Variants in STK40 observed in about 807,000 individuals in gnomAD.
STK40 encodes the protein serine/threonine-protein kinase 40.
A neutral mutation model predicts 47.9 loss-of-function variants in STK40; 13 were observed. The ratio of observed to expected loss-of-function variants is 0.27; its 90% CI spans 0.18 to 0.43. The LOEUF is 0.43. Ranked by LOEUF, STK40 falls within the 20% of genes least tolerant of loss-of-function variation. STK40 has a pLI of 1.00. For missense variants in STK40, 460 were observed against 595.1 expected (o/e 0.77, Z 2.36); for synonymous variants, 225 against 243.2 (o/e 0.93, Z 0.69).
intron 2 of STK40, among the ~76,000 whole-genome samples, chr1:36,360,719 G>A (rs1646844384): frequency 6.6e-6 from 1 of 151,872 alleles, no homozygotes; most frequent in Non-Finnish European, 1.5e-5. Context: ...TATTTTTCTA[G>A]TAGAGATGGG....
chr1:36,345,983 A>ATTTTTTT (rs1242799312), intron 7 of STK40, among the ~76,000 whole-genome samples: 2 of 9,726 alleles, frequency 2.1e-4, no homozygotes, highest in Non-Finnish European at 7.9e-4. Flanking sequence ...ATATATATAT[A>ATTTTTTT]TATATATATT....
At chr1:36,382,355 T>G (rs1320870668) in intron 1 of STK40, among the ~76,000 whole-genome samples, 1 of 152,126 alleles carries the variant, frequency 6.6e-6, no homozygotes, top group Non-Finnish European at 1.5e-5. Flanking sequence ...AATTTTTGTA[T>G]TTTTTGTAGA....
At chr1:36,349,257 A>G (rs114581612) in intron 6 of STK40, among the ~76,000 whole-genome samples, 1,660 of 152,278 alleles carry the variant, frequency 0.011, 41 homozygotes, top group African/African-American at 0.037. Flanking sequence ...GAGTGACTCC[A>G]CCTTGGAAGG....
chr1:36,353,930 A>T (rs1166528365), intron 6 of STK40, among the ~76,000 whole-genome samples: 2 of 152,140 alleles, frequency 1.3e-5, no homozygotes, highest in African/African-American at 4.8e-5. Context: ...CCATTCAAAA[A>T]ATATATATAT....
chr1:36,357,960 G>A (rs980896373), intron 4 of STK40, among the ~76,000 whole-genome samples: 5 of 152,132 alleles, frequency 3.3e-5, no homozygotes, highest in South Asian at 2.1e-4. Flanking sequence ...CTCTTTTCTC[G>A]GAAAAGTGGC....
At chr1:36,368,131 CTG>C (rs1424635391) in intron 1 of STK40, 1 of 152,364 alleles carries the variant, frequency 6.6e-6, no homozygotes, top group Non-Finnish European at 1.5e-5. Flanking sequence ...TGTGAAATCA[CTG>C]TGTGTAAATA....
chr1:36,358,811 C>T lies in STK40; in HGVS notation c.124G>A (p.Gly42Ser), dbSNP rs774791578. 7 of 1,614,110 alleles carry T rather than the reference C, an allele frequency of 4.3e-6. No homozygotes were observed. The highest frequency in any genetic ancestry group is 5.1e-6 in the Non-Finnish European group (6 of 1,180,026). Reference sequence around the variant, plus strand: ...ACTATGCTTGGCACCGGTGAGTTGCCCAGACGGGGACCTACGGCACAGAGA... The same window carrying T: ...ACTATGCTTGGCACCGGTGAGTTGCTCAGACGGGGACCTACGGCACAGAGA... Reference protein sequence around the residue: ...AGPFILGPRLGNSPVPSIVQC... With the variant: ...AGPFILGPRLSNSPVPSIVQC... Residue 42 changes from glycine (G) to serine (S), a missense_variant, in exon 3 of 11, where the codon GGC becomes AGC. Coordinates refer to ENST00000373132, the MANE Select transcript of STK40 (RefSeq NM_001282547.2).
chr1:36,353,702 A>G (rs748314032), intron 6 of STK40, among the ~76,000 whole-genome samples: 11 of 152,238 alleles, frequency 7.2e-5, no homozygotes, highest in African/African-American at 1.4e-4. Context: ...ACAAAGGCCA[A>G]GCGCGGGCCA....
chr1:36,361,326 G>A lies in STK40; in HGVS notation c.7C>T (p.Arg3Trp), dbSNP rs12086307. MK[R>W]RASDRGAGET... is the part of the protein sequence containing the mutation. ...CCAGCTCCTCTGTCTGATGCTCTCCGCTTCATTCTCAGCTCTAGACAAGAC... is the reference window on the plus strand; with the variant it reads ...CCAGCTCCTCTGTCTGATGCTCTCCACTTCATTCTCAGCTCTAGACAAGAC... The change falls in exon 2 of 11, where the codon CGG (arginine) becomes TGG (tryptophan). Residue 3 changes from arginine (R) to tryptophan (W), a missense_variant. This residue lies in a region of STK40 where 277 missense variants were observed against 358.7 expected (regional missense o/e 0.77). Coordinates refer to ENST00000373132, the MANE Select transcript of STK40 (RefSeq NM_001282547.2). 4 of 1,614,112 alleles carry A rather than the reference G, an allele frequency of 2.5e-6. No homozygotes were observed. Among genetic ancestry groups the A allele is most frequent in the African/African-American group, 1.3e-5 (1 of 75,026 alleles).
At chr1:36,363,889 C>T (rs1646877320) in intron 1 of STK40, among the ~76,000 whole-genome samples, 2 of 151,302 alleles carry the variant, frequency 1.3e-5, no homozygotes, top group Middle Eastern at 3.4e-3. Context: ...CGGTGGCTCA[C>T]ACCTGTAATC....
chr1:36,384,692 T>G (rs1035082910), intron 1 of STK40, among the ~76,000 whole-genome samples: 1 of 152,200 alleles, frequency 6.6e-6, no homozygotes, highest in African/African-American at 2.4e-5. Context: ...TGTGGTCATG[T>G]GAGAAATGAA....
chr1:36,348,302 A>T (rs985440211), intron 7 of STK40, among the ~76,000 whole-genome samples: 2 of 152,168 alleles, frequency 1.3e-5, no homozygotes, highest in Non-Finnish European at 2.9e-5. Context: ...TCACTTTCTG[A>T]GCAGCCTGCA....
At chr1:36,349,799 C>T (rs903292938) in intron 6 of STK40, among the ~76,000 whole-genome samples, 2 of 152,156 alleles carry the variant, frequency 1.3e-5, no homozygotes, top group South Asian at 4.1e-4. Context: ...GTCTAAGAGG[C>T]CTGGGAAAGG....
chr1:36,376,962 G>C (rs750483433), intron 1 of STK40, among the ~76,000 whole-genome samples: 2 of 151,812 alleles, frequency 1.3e-5, no homozygotes, highest in East Asian at 3.9e-4. Context: ...TAGTAGAGAC[G>C]GGGTTTCACC....
intron 1 of STK40, among the ~76,000 whole-genome samples, chr1:36,367,578 T>C (rs577544549): frequency 5.9e-5 from 9 of 152,328 alleles, no homozygotes; most frequent in Admixed American, 3.9e-4. Context: ...TCCAGTGGTA[T>C]AGTGTGACCA....
chr1:36,364,876 T>C (rs1214895470), intron 1 of STK40, among the ~76,000 whole-genome samples: 2 of 152,202 alleles, frequency 1.3e-5, no homozygotes, highest in African/African-American at 4.8e-5. Context: ...TTTCTGTCTT[T>C]TCCTTTAGTT....
intron 1 of STK40, among the ~76,000 whole-genome samples, chr1:36,370,880 CTT>C (rs776772949): frequency 3.7e-4 from 52 of 141,398 alleles, no homozygotes; most frequent in Non-Finnish European, 3.3e-4. Flanking sequence ...CCGTACTACA[CTT>C]TTTTTTTTTT....
chr1:36,378,703 C>T lies in STK40; in HGVS notation c.-9+7020G>A, dbSNP rs182099776. On this transcript the variant is annotated intron_variant, in intron 1 of 10. Coordinates refer to ENST00000373132, the MANE Select transcript of STK40 (RefSeq NM_001282547.2). ...CGATCTCCTGAACTCGTGATCTGCC[C>T]GCCTCGGCCTCCCGAAGTGTTGAGA... 1.4e-4 allele frequency among the ~76,000 whole-genome samples: 22 copies of T among 152,220 alleles called. No homozygotes were observed. The East Asian group carries it at 4.1e-3, about 28-fold the overall frequency.
chr1:36,367,619 C>G (rs115987410), intron 1 of STK40, among the ~76,000 whole-genome samples: 3 of 152,156 alleles, frequency 2.0e-5, no homozygotes, highest in Non-Finnish European at 4.4e-5. Flanking sequence ...GATAGCTCTA[C>G]CCCATGGTTC....
Sources: gnomAD v4.1 joint callset for allele counts (sites outside exome capture counted in the v4.1 genomes callset) on GRCh38, gnomAD v4.1.1 for gene constraint, gnomAD v4.1.1 regional missense constraint, MANE v1.5 for transcripts, NCBI Gene and HGNC (gene_info 2026-07-23, HGNC 2026-07-21) for gene names.